The following GPC5 variants were observed in gnomAD, a reference collection of about 807,000 sequenced individuals.
GPC5 encodes glypican-5.
Under a neutral mutation model 53.9 loss-of-function variants are expected in GPC5, and 47 were observed. The observed-to-expected ratio is 0.87, with a 90% CI of 0.69 to 1.11. GPC5 has a LOEUF of 1.11. GPC5 is among the 50% of genes most tolerant of loss of function. The pLI is 0.00. For synonymous variants in GPC5, 286 were observed against 263.3 expected, an observed-to-expected ratio of 1.09 and a Z score of -0.84; for missense variants, 748 against 713.1, an observed-to-expected ratio of 1.05 and a Z score of -0.56.
In GPC5 at chr13:91,508,117, C is replaced by T. The variant is rs568475898; in HGVS notation, c.325+59195C>T. On this transcript the variant is annotated intron_variant, in intron 2 of 7. Coordinates refer to ENST00000377067, the MANE Select transcript of GPC5 (RefSeq NM_004466.6). ...CATTTTTAAAGATCATTATCAGATA[C>T]CAAAATACCTAATGTTTTCAAAATG... 3.9e-5 allele frequency among the ~76,000 whole-genome samples: 6 copies of T among 152,042 alleles called. No homozygotes were observed. The South Asian group carries it at 1.2e-3, about 32-fold the overall frequency.
At chr13:92,767,647 T>TA (rs1248220927) in intron 7 of GPC5, among the ~76,000 whole-genome samples, 1 of 152,130 alleles carries the variant, frequency 6.6e-6, no homozygotes, top group Non-Finnish European at 1.5e-5. Context: ...CAGTCTCTGT[T>TA]AGTTACACTG....
At chr13:92,545,766 T>A (rs1254896057) in intron 7 of GPC5, among the ~76,000 whole-genome samples, 2 of 152,148 alleles carry the variant, frequency 1.3e-5, no homozygotes, top group African/African-American at 4.8e-5. Flanking sequence ...TTGATGGGGT[T>A]GTTTGTTTTT....
intron 5 of GPC5, among the ~76,000 whole-genome samples, chr13:91,774,378 A>T (rs2037675170): frequency 6.6e-6 from 1 of 152,126 alleles, no homozygotes; most frequent in African/African-American, 2.4e-5. Flanking sequence ...TCATTAACAG[A>T]TCTTTATTGG....
At chr13:91,419,113 T>C (rs1261297586) in intron 1 of GPC5, among the ~76,000 whole-genome samples, 4 of 152,092 alleles carry the variant, frequency 2.6e-5, no homozygotes, top group Non-Finnish European at 5.9e-5. Flanking sequence ...ACTATACAAG[T>C]TATAAAACTT....
At chr13:92,558,659 C>A (rs1882586254) in intron 7 of GPC5, among the ~76,000 whole-genome samples, 1 of 151,922 alleles carries the variant, frequency 6.6e-6, no homozygotes, top group Non-Finnish European at 1.5e-5. Context: ...TTTAGTGTTA[C>A]AGGTGATTCT....
At chr13:91,877,551 C>T (rs1040063574) in intron 5 of GPC5, among the ~76,000 whole-genome samples, 3 of 152,158 alleles carry the variant, frequency 2.0e-5, no homozygotes, top group Admixed American at 1.3e-4. Flanking sequence ...CAATTTCTCC[C>T]ATTTGGAATG....
intron 7 of GPC5, among the ~76,000 whole-genome samples, chr13:92,182,924 A>G (rs1196144863): frequency 6.6e-6 from 1 of 152,200 alleles, no homozygotes; most frequent in Non-Finnish European, 1.5e-5. Context: ...TGATACATCA[A>G]GGACGTTGAA....
chr13:91,972,413 T>G (rs1430468442), intron 6 of GPC5, among the ~76,000 whole-genome samples: 1 of 152,000 alleles, frequency 6.6e-6, no homozygotes, highest in Non-Finnish European at 1.5e-5. Context: ...GTCTTGACTC[T>G]TTATCCAATT....
intron 7 of GPC5, among the ~76,000 whole-genome samples, chr13:92,334,223 T>C (rs1156778245): frequency 6.6e-6 from 1 of 152,180 alleles, no homozygotes; most frequent in Non-Finnish European, 1.5e-5. Flanking sequence ...CTCTCAGTCA[T>C]GGTGGAAGGT....
At chr13:91,558,320 G>T (rs920352134) in intron 2 of GPC5, among the ~76,000 whole-genome samples, 2 of 151,062 alleles carry the variant, frequency 1.3e-5, no homozygotes, top group Non-Finnish European at 3.0e-5. Context: ...TTAACTTAAA[G>T]ATAGGAAGTG....
chr13:92,481,303 T>G (rs188264041), intron 7 of GPC5, among the ~76,000 whole-genome samples: 4 of 152,146 alleles, frequency 2.6e-5, no homozygotes, highest in East Asian at 3.9e-4. Flanking sequence ...GGGTTTCACC[T>G]TGTTAGCCAA....
At chr13:92,602,493 T>C (rs1414204463) in intron 7 of GPC5, among the ~76,000 whole-genome samples, 1 of 151,880 alleles carries the variant, frequency 6.6e-6, no homozygotes, top group Non-Finnish European at 1.5e-5. Flanking sequence ...TACTAACTGC[T>C]CCAAATCTGC....
intron 6 of GPC5, among the ~76,000 whole-genome samples, chr13:91,919,542 A>G (rs1247587569): frequency 6.6e-6 from 1 of 152,194 alleles, no homozygotes; most frequent in East Asian, 1.9e-4. Flanking sequence ...TAAATGTGAA[A>G]ATTTGGCCAC....
intron 7 of GPC5, among the ~76,000 whole-genome samples, chr13:92,343,663 A>T (rs2139252901): frequency 6.6e-6 from 1 of 152,166 alleles, no homozygotes; most frequent in African/African-American, 2.4e-5. Context: ...ATAAAATTAA[A>T]TTTTCAATAA....
Position 92,161,909 on chromosome 13 carries a change from T to A in GPC5, c.1561+16920T>A, listed in dbSNP as rs147147003. Reference sequence around the variant, plus strand: ...TATAACTTTAATGTTTTATGCTAATTTTTAAGAATATAAATAATTATATTT... The same window carrying A: ...TATAACTTTAATGTTTTATGCTAATATTTAAGAATATAAATAATTATATTT... On this transcript the variant is annotated intron_variant, in intron 7 of 7. Coordinates refer to ENST00000377067, the MANE Select transcript of GPC5 (RefSeq NM_004466.6). 9.5e-3 allele frequency among the ~76,000 whole-genome samples: 1,375 copies of A among 144,858 alleles called. 18 individuals are homozygous for A. The highest frequency in any genetic ancestry group is 0.014 in the Non-Finnish European group (936 of 66,420).
At chr13:92,228,660 G>A (rs1373682666) in intron 7 of GPC5, among the ~76,000 whole-genome samples, 1 of 152,028 alleles carries the variant, frequency 6.6e-6, no homozygotes, top group African/African-American at 2.4e-5. Flanking sequence ...ATTAAAGATG[G>A]AATAAGATAA....
chr13:91,460,255 A>G (rs1287170551), intron 2 of GPC5, among the ~76,000 whole-genome samples: 4 of 151,910 alleles, frequency 2.6e-5, no homozygotes, highest in Admixed American at 2.6e-4. Context: ...TAACCAAACA[A>G]TATTAATAGT....
intron 6 of GPC5, among the ~76,000 whole-genome samples, chr13:91,911,343 A>C (rs2039608299): frequency 2.0e-5 from 3 of 152,094 alleles, no homozygotes; most frequent in South Asian, 4.1e-4. Flanking sequence ...CAGGAGTTTG[A>C]GACCAGCCTG....
At chr13:91,814,019 G>A (rs1233919262) in intron 5 of GPC5, among the ~76,000 whole-genome samples, 1 of 133,630 alleles carries the variant, frequency 7.5e-6, no homozygotes, top group Non-Finnish European at 1.5e-5. Context: ...TGCAACCTCT[G>A]CCTTCCGGGT....
Sources: allele counts gnomAD v4.1 joint callset (sites outside exome capture counted in the v4.1 genomes callset), GRCh38; gene constraint gnomAD v4.1.1; transcripts MANE v1.5; gene names NCBI Gene and HGNC (gene_info 2026-07-23, HGNC 2026-07-21).